The following CEP170 variants were observed in gnomAD, a reference collection of about 807,000 sequenced individuals.
CEP170 encodes centrosomal protein of 170 kDa.
A neutral mutation model predicts 151.9 loss-of-function variants in CEP170; 21 were observed. That is an observed-to-expected ratio of 0.14 (90% confidence interval 0.10 to 0.20). The LOEUF (loss-of-function observed/expected upper bound fraction) is 0.20. Ranked by LOEUF, CEP170 falls within the 10% of genes least tolerant of loss-of-function variation. The probability of loss-of-function intolerance (pLI) is 1.00; values close to 1 mark genes in which losing one functional copy is unlikely to be tolerated. For synonymous variants in CEP170, 356 were observed against 648.8 expected (o/e 0.55, Z 6.86); for missense variants, 964 against 1,892.9 (o/e 0.51, Z 9.11).
intron 1 of CEP170, among the ~76,000 whole-genome samples, chr1:243,245,752 A>T (rs559145589): frequency 6.6e-6 from 1 of 151,180 alleles, no homozygotes; most frequent in Non-Finnish European, 1.5e-5. Flanking sequence ...AAAAAACAAA[A>T]AACAAAACAA....
At chr1:243,170,633 A>G (rs1182941426) in intron 11 of CEP170, among the ~76,000 whole-genome samples, 1 of 152,088 alleles carries the variant, frequency 6.6e-6, no homozygotes, top group Non-Finnish European at 1.5e-5. Context: ...GTCTCTACGA[A>G]AAACACAAAA....
chr1:243,214,644 C>T (rs1367940868), intron 3 of CEP170, among the ~76,000 whole-genome samples: 2 of 150,872 alleles, frequency 1.3e-5, no homozygotes, highest in African/African-American at 2.4e-5. Context: ...AGAAATAATA[C>T]ACTAGAATTA....
chr1:243,158,588 A>C (rs1336308620), intron 13 of CEP170, among the ~76,000 whole-genome samples: 2 of 152,182 alleles, frequency 1.3e-5, no homozygotes, highest in Admixed American at 6.5e-5. Context: ...TCAGGTGATC[A>C]CATATAAGTA....
chr1:243,180,502 T>C (rs1203461590), intron 10 of CEP170, among the ~76,000 whole-genome samples: 3 of 152,206 alleles, frequency 2.0e-5, no homozygotes, highest in Non-Finnish European at 4.4e-5. Flanking sequence ...AAAATAAAAA[T>C]GCTGACTGTC....
At chr1:243,226,062 T>TATATATATCTATATCTAGATATAA (rs1553395554) in intron 1 of CEP170, among the ~76,000 whole-genome samples, 66 of 106,966 alleles carry the variant, frequency 6.2e-4, no homozygotes, top group Non-Finnish European at 1.2e-3. Context: ...TATCTAGATA[T>TATATATATCTATATCTAGATATAA]ATATATCTAT....
At chr1:243,160,204 C>T (rs116391766) in intron 13 of CEP170, among the ~76,000 whole-genome samples, 2,441 of 152,228 alleles carry the variant, frequency 0.016, 73 homozygotes, top group African/African-American at 0.056. Context: ...GCTTAAGTAA[C>T]AATTTATAAA....
chr1:243,162,551 T>C (rs1374850103), intron 13 of CEP170, among the ~76,000 whole-genome samples: 3 of 152,244 alleles, frequency 2.0e-5, no homozygotes, highest in Non-Finnish European at 4.4e-5. Flanking sequence ...AAGTTCTGTA[T>C]TCAAAGAAGC....
In CEP170 at chr1:243,200,966, T is replaced by C. The variant is rs2060989540; in HGVS notation, c.275-131A>G. On this transcript the variant is annotated intron_variant, in intron 4 of 19. Coordinates refer to ENST00000366542, the MANE Select transcript of CEP170 (RefSeq NM_014812.3). ...GCAGAATTATTATATTTCCCCTGAA[T>C]AGTTAAATATTAAAATATGGTCACC... is the stretch of plus-strand genomic sequence containing the variant. The C allele has an allele frequency of 4.4e-5, 37 of 835,822 alleles. No homozygotes were observed. The South Asian group carries it at 5.8e-4, about 13-fold the overall frequency. 51.8% of individuals were successfully genotyped at this position (835,822 alleles called of 1,614,324 possible).
intron 3 of CEP170, among the ~76,000 whole-genome samples, chr1:243,216,575 G>A (rs1412746228): frequency 6.6e-6 from 1 of 152,056 alleles, no homozygotes; most frequent in Non-Finnish European, 1.5e-5. Flanking sequence ...AAGGGATTAG[G>A]TTATTAAACT....
At chr1:243,133,959 A>C (rs2054726154) in intron 17 of CEP170, among the ~76,000 whole-genome samples, 1 of 152,234 alleles carries the variant, frequency 6.6e-6, no homozygotes, top group Non-Finnish European at 1.5e-5. Flanking sequence ...AATCAATTAT[A>C]AGCCTTAAAA....
At chr1:243,175,892 G>C (rs2059211213) in intron 10 of CEP170, among the ~76,000 whole-genome samples, 1 of 152,134 alleles carries the variant, frequency 6.6e-6, no homozygotes, top group Non-Finnish European at 1.5e-5. Context: ...CGCCTCCCGG[G>C]TTCACGCCAT....
Position 243,125,040 on chromosome 1 carries a change from C to A in CEP170, c.*1409G>T, listed in dbSNP as rs2053598829. ...TATAGAGTTACTTTGTTTCTTAAAA[C>A]AAATATAGCACAGGATTATTGTGGA... On this transcript the variant is annotated 3_prime_UTR_variant, in exon 20 of 20. Transcript: ENST00000366542. 1 of 151,998 alleles carries A rather than the reference C, an allele frequency of 6.6e-6. No individual in the cohort carries two copies. Among genetic ancestry groups the A allele is most frequent in the Non-Finnish European group, 1.5e-5 (1 of 67,984 alleles). The allele number at this position is 151,998 out of a possible 1,614,324, so 9.4% of individuals were successfully genotyped here. A position where few individuals can be genotyped will look rare whatever the true frequency, so the allele number is the denominator to read the frequency against.
At position 243,142,225 on chromosome 1, in the gene CEP170, A is replaced by C. The variant is rs1265640679; in HGVS notation, c.4059+91T>G. The C allele has an allele frequency of 5.0e-6, 8 of 1,602,078 alleles. No homozygotes were observed. In the East Asian group the frequency reaches 1.6e-4, roughly 31 times the overall value. ...AGCTTCATGCAAACAGGGAGGGTGG[A>C]CATAACTGAAATAAACTAAGCAAAA... On this transcript the variant is annotated intron_variant, in intron 15 of 19. Coordinates refer to ENST00000366542, the MANE Select transcript of CEP170 (RefSeq NM_014812.3).
chr1:243,177,471 A>T (rs1205692127), intron 10 of CEP170, among the ~76,000 whole-genome samples: 1 of 152,214 alleles, frequency 6.6e-6, no homozygotes, highest in Non-Finnish European at 1.5e-5. Context: ...TGTCCAAGTA[A>T]AAATGTACTC....
intron 1 of CEP170, among the ~76,000 whole-genome samples, chr1:243,226,170 T>G (rs940176677): frequency 3.8e-5 from 3 of 77,958 alleles, no homozygotes; most frequent in African/African-American, 1.4e-4. Flanking sequence ...TCTCTATAGA[T>G]ATATATATAT....
At chr1:243,249,626 C>T (rs2065753534) in intron 1 of CEP170, among the ~76,000 whole-genome samples, 1 of 152,136 alleles carries the variant, frequency 6.6e-6, no homozygotes, top group Admixed American at 6.5e-5. Context: ...TGTAAAACAG[C>T]AGTCCTCTAC....
At chr1:243,171,939 C>T (rs2058875355) in intron 11 of CEP170, among the ~76,000 whole-genome samples, 2 of 152,258 alleles carry the variant, frequency 1.3e-5, no homozygotes, top group South Asian at 2.1e-4. Context: ...ACCAAGCAAT[C>T]CTTAATTAAT....
At chr1:243,226,441 A>T (rs1385195976) in intron 1 of CEP170, among the ~76,000 whole-genome samples, 1 of 151,944 alleles carries the variant, frequency 6.6e-6, no homozygotes, top group Non-Finnish European at 1.5e-5. Flanking sequence ...TAAAAAAATA[A>T]AACTGGTATC....
intron 4 of CEP170, among the ~76,000 whole-genome samples, chr1:243,203,757 A>G (rs2061221887): frequency 6.6e-6 from 1 of 152,170 alleles, no homozygotes; most frequent in African/African-American, 2.4e-5. Flanking sequence ...CCTTTTCATT[A>G]CAAATATGGA....
Sources: gnomAD v4.1 joint callset for allele counts (sites outside exome capture counted in the v4.1 genomes callset) on GRCh38, gnomAD v4.1.1 for gene constraint, MANE v1.5 for transcripts, NCBI Gene and HGNC (gene_info 2026-07-23, HGNC 2026-07-21) for gene names.